The following ZNF81 variants were observed in gnomAD, a reference collection of about 807,000 sequenced individuals.
ZNF81 encodes zinc finger protein 81 (HFZ20).
A neutral mutation model predicts 32.3 loss-of-function variants in ZNF81; 5 were observed. The observed-to-expected ratio is 0.15, with a 90% CI of 0.08 to 0.33. ZNF81 has a LOEUF of 0.33. ZNF81 is among the 10% of genes least tolerant of loss of function. ZNF81 has a pLI of 1.00. For synonymous variants in ZNF81, 163 were observed against 166.8 expected, an observed-to-expected ratio of 0.98 and a Z score of 0.17; for missense variants, 379 against 479.8, an observed-to-expected ratio of 0.79 and a Z score of 1.96.
At chrX:47,853,848 C>A (rs1324598047) in intron 2 of ZNF81, among the ~76,000 whole-genome samples, 1 of 112,120 alleles carries the variant, frequency 8.9e-6, no homozygotes, top group African/African-American at 3.2e-5. Context: ...CCATGGCTGG[C>A]TGGCTTCAAC....
rs183245244 is a variant in ZNF81, at chrX:47,916,367, G to A, written c.1721G>A (p.Arg574Lys). The A allele has an allele frequency of 5.8e-5, 70 of 1,209,883 alleles. No homozygotes were observed. In the South Asian group the frequency reaches 1.2e-3, roughly 21 times the overall value. Residue 574 changes from arginine to lysine, a missense_variant, in exon 5 of 5, where the codon AGA (arginine) becomes AAA (lysine). Physicochemically the swap from Arg to Lys is conservative, Grantham distance 26 (BLOSUM62 2). Around this residue, in one of 2 missense-constraint regions of ZNF81, gnomAD observed 102 missense variants for 173.2 expected, o/e 0.59. Coordinates refer to ENST00000338637, the MANE Select transcript of ZNF81 (RefSeq NM_007137.5). ...IQKSELITHQ[R>K]IHTTEKPYKC... The stretch of plus-strand genomic sequence containing the variant: ...AAGTCAGAGTTGATTACACATCAGA[G>A]AATTCATACTACAGAGAAGCCTTAT...
rs782543764 is a variant in ZNF81, at chrX:47,916,640, C to T, written c.*8C>T. The T allele has an allele frequency of 8.4e-6, 10 of 1,195,516 alleles. No homozygotes were observed. Among genetic ancestry groups the T allele is most frequent in the Non-Finnish European group, 1.1e-5 (10 of 889,202 alleles). ...CGCAATATTCATACATGAAAGTAAT[C>T]CTGTTTCTTGAAAATGAGAGCCTTA... On this transcript the variant is annotated 3_prime_UTR_variant, in exon 5 of 5. Coordinates refer to ENST00000338637, the MANE Select transcript of ZNF81 (RefSeq NM_007137.5).
In ZNF81 at chrX:47,841,863, G is replaced by A. The variant is rs1207896346; in HGVS notation, c.-163-4242G>A. Among the ~76,000 whole-genome samples the A allele has an allele frequency of 4.5e-5, 5 of 110,751 alleles. No homozygotes were observed. In the Admixed American group the frequency reaches 4.8e-4, roughly 11 times the overall value. On this transcript the variant is annotated intron_variant, in intron 1 of 4. Coordinates refer to ENST00000338637, the MANE Select transcript of ZNF81 (RefSeq NM_007137.5). ...GCTCTTGTATTTATTACTTCCTTCC[G>A]CTTAGTTTGAGTTTTCTTTTTCTAG...
At position 47,920,521 on chromosome X, in the gene ZNF81, AT is replaced by A. The variant is rs1321940010; in HGVS notation, c.*3898del. The stretch of plus-strand genomic sequence containing the variant: ...TTCCTGCCCTTTTATCATGGGTGGA[AT>A]TTTTTTTTCCATTTCCCTCACTCTA... On this transcript the variant is annotated 3_prime_UTR_variant, in exon 5 of 5. Coordinates refer to ENST00000338637, the MANE Select transcript of ZNF81 (RefSeq NM_007137.5). 4 of 108,770 alleles carry A rather than the reference AT, an allele frequency of 3.7e-5. No individual in the cohort carries two copies. The highest frequency in any genetic ancestry group is 5.8e-4 in the East Asian group (2 of 3,468). The allele number at this position is 108,770 out of a possible 1,213,427, so 9.0% of individuals were successfully genotyped here.
At chrX:47,852,904 T>C (rs2058501284) in intron 2 of ZNF81, among the ~76,000 whole-genome samples, 1 of 112,697 alleles carries the variant, frequency 8.9e-6, no homozygotes, top group Admixed American at 9.4e-5. Context: ...GCTATAGTCT[T>C]ACAAAACGTA....
intron 1 of ZNF81, among the ~76,000 whole-genome samples, chrX:47,844,498 T>A (rs1048590656): frequency 8.0e-5 from 9 of 112,555 alleles, no homozygotes; most frequent in African/African-American, 2.9e-4. Flanking sequence ...TAAGTATTAG[T>A]ACTTCTTTTG....
chrX:47,909,041 CTA>C (rs1248129150), intron 4 of ZNF81, among the ~76,000 whole-genome samples: 2 of 111,970 alleles, frequency 1.8e-5, no homozygotes, highest in Non-Finnish European at 3.8e-5. Context: ...AAGATCTATA[CTA>C]TATAGCTTTG....
At chrX:47,850,867 G>A (rs782789469) in intron 2 of ZNF81, among the ~76,000 whole-genome samples, 2 of 97,325 alleles carry the variant, frequency 2.1e-5, no homozygotes, top group African/African-American at 7.5e-5. Context: ...ATACAAACAC[G>A]TGCACTCATT....
Position 47,916,764 on chromosome X carries a change from CACTT to C in ZNF81, c.*133_*136del, listed in dbSNP as rs2058758657. 7.1e-6 allele frequency: 5 copies of C among 707,499 alleles called. No homozygotes were observed. In the African/African-American group the frequency reaches 8.9e-5, roughly 13 times the overall value. The allele number at this position is 707,499 out of a possible 1,213,427, so 58.3% of individuals were successfully genotyped here. The stretch of plus-strand genomic sequence containing the variant: ...TATAAGGAAAAGCATCAGGCTATCT[CACTT>C]GAGATGGAAAAAAATTATTCAGAAG... On this transcript the variant is annotated 3_prime_UTR_variant, in exon 5 of 5. Transcript: ENST00000338637.
At chrX:47,871,877 T>TGTCG (rs1481065903) in intron 2 of ZNF81, among the ~76,000 whole-genome samples, 1 of 112,141 alleles carries the variant, frequency 8.9e-6, no homozygotes, top group Non-Finnish European at 1.9e-5. Context: ...GGAAATGAGC[T>TGTCG]GTCGGTCTAT....
intron 4 of ZNF81, among the ~76,000 whole-genome samples, chrX:47,897,731 C>T (rs1003366435): frequency 3.6e-5 from 4 of 111,723 alleles, no homozygotes; most frequent in Admixed American, 9.5e-5. Flanking sequence ...TCTAATTGTT[C>T]CAGAAACATT....
At position 47,923,248 on chromosome X, in the gene ZNF81, C is replaced by G. The variant is rs782273588; in HGVS notation, c.*6616C>G. Reference sequence around the variant, plus strand: ...TCACTTCCTGAGCCCGCACAGGTCCCCCTACAACTCTCTGTGCTTGGGACA... The same window carrying G: ...TCACTTCCTGAGCCCGCACAGGTCCGCCTACAACTCTCTGTGCTTGGGACA... On this transcript the variant is annotated 3_prime_UTR_variant, in exon 5 of 5. Transcript: ENST00000338637. Among the ~76,000 whole-genome samples, 14 of 111,352 alleles carry G rather than the reference C, an allele frequency of 1.3e-4. No homozygotes were observed. The highest frequency in any genetic ancestry group is 4.6e-4 in the African/African-American group (14 of 30,563).
intron 3 of ZNF81, among the ~76,000 whole-genome samples, chrX:47,890,089 G>A (rs1327684264): frequency 8.1e-5 from 9 of 111,611 alleles, no homozygotes; most frequent in African/African-American, 2.0e-4. Flanking sequence ...TTTTGTGCAC[G>A]TATTTAGCCT....
intron 3 of ZNF81, among the ~76,000 whole-genome samples, chrX:47,888,933 C>A (rs930173661): frequency 2.7e-5 from 3 of 111,754 alleles, no homozygotes; most frequent in African/African-American, 9.8e-5. Context: ...GGCTGAATTG[C>A]GTTCTGTTGG....
At chrX:47,901,289 T>C (rs1556887945) in intron 4 of ZNF81, among the ~76,000 whole-genome samples, 1 of 112,006 alleles carries the variant, frequency 8.9e-6, no homozygotes, top group Non-Finnish European at 1.9e-5. Context: ...CTAGTGGGTC[T>C]TTTTGTGAAT....
chrX:47,909,261 T>C (rs2058730992), intron 4 of ZNF81, among the ~76,000 whole-genome samples: 1 of 112,244 alleles, frequency 8.9e-6, no homozygotes, highest in Non-Finnish European at 1.9e-5. Context: ...AGATTTCTTA[T>C]CTTGTGGCCA....
At position 47,915,761 on chromosome X, in the gene ZNF81, C is replaced by G; in HGVS notation, c.1115C>G (p.Ser372Cys). The part of the protein sequence containing the change: ...ECGKSFFQVS[S>C]LLRHQTTHTG... The stretch of plus-strand genomic sequence containing the variant: ...GGGAAATCATTTTTCCAGGTGTCAT[C>G]TCTACTCAGGCATCAGACAACTCAT... Residue 372 changes from serine (S) to cysteine (C), a missense_variant, in exon 5 of 5, where the codon TCT (serine) becomes TGT (cysteine). Ser to Cys is a moderately radical substitution (Grantham distance 112, BLOSUM62 -1). Transcript: ENST00000338637. 8.3e-7 allele frequency: 1 copy of G among 1,210,997 alleles called. No individual in the cohort carries two copies.
chrX:47,906,317 A>C (rs1310760418), intron 4 of ZNF81, among the ~76,000 whole-genome samples: 1 of 89,612 alleles, frequency 1.1e-5, no homozygotes, highest in Non-Finnish European at 2.2e-5. Flanking sequence ...TTCTTTCTTG[A>C]CCCCAAAGAG....
chrX:47,877,312 C>T (rs868964341), intron 2 of ZNF81, among the ~76,000 whole-genome samples: 62 of 111,482 alleles, frequency 5.6e-4, no homozygotes, highest in African/African-American at 2.0e-3. Context: ...CTCAGAGGGG[C>T]GTGTATGGTG....
Sources: allele counts gnomAD v4.1 joint callset (sites outside exome capture counted in the v4.1 genomes callset), GRCh38; gene constraint gnomAD v4.1.1; regional missense constraint gnomAD v4.1.1; transcripts MANE v1.5; gene names NCBI Gene and HGNC (gene_info 2026-07-23, HGNC 2026-07-21).